The following SLC22A24 variants were observed in gnomAD, a reference collection of about 807,000 sequenced individuals.
SLC22A24 encodes solute carrier family 22 member 24.
In SLC22A24, 53 loss-of-function variants were observed where a neutral mutation model predicts 49.8. The ratio of observed to expected loss-of-function variants is 1.06; its 90% CI spans 0.85 to 1.34. The LOEUF (loss-of-function observed/expected upper bound fraction) is 1.34. SLC22A24 is among the 40% of genes most tolerant of loss of function. The probability of loss-of-function intolerance (pLI) is 0.00; values close to 1 mark genes in which losing one functional copy is unlikely to be tolerated. For missense variants in SLC22A24, 786 were observed against 675.9 expected (o/e 1.16, Z -1.81); for synonymous variants, 302 against 256.4 (o/e 1.18, Z -1.70).
Position 63,096,097 on chromosome 11 carries a change from A to G in SLC22A24, c.964T>C (p.Ser322Pro), listed in dbSNP as rs1296620038. 1.9e-6 allele frequency: 3 copies of G among 1,549,016 alleles called. No homozygotes were observed. Among genetic ancestry groups the G allele is most frequent in the East Asian group, 4.9e-5 (2 of 40,900 alleles). The change falls in exon 6 of 10, where the codon TCC becomes CCC. Residue 322 changes from serine to proline, a missense_variant. Ser to Pro is a moderately conservative substitution (Grantham distance 74). Coordinates refer to ENST00000612278, the MANE Select transcript of SLC22A24 (RefSeq NM_001136506.2). ...GCATCCAACTCCTTCTTCATGGTGG[A>G]TCTCACAAGCTTCAGCAACAAAAAT... ...EETLTTELVRSTMKKELDAVR... is the reference protein window; with the variant it reads ...EETLTTELVRPTMKKELDAVR...
intron 4 of SLC22A24, among the ~76,000 whole-genome samples, chr11:63,114,880 C>A (rs1399655492): frequency 1.3e-5 from 2 of 152,156 alleles, no homozygotes; most frequent in East Asian, 3.9e-4. Context: ...CTGGGTATCA[C>A]CAGTGGAGGT....
At chr11:63,114,990 G>A (rs866734130) in intron 4 of SLC22A24, among the ~76,000 whole-genome samples, 72 of 152,302 alleles carry the variant, frequency 4.7e-4, no homozygotes, top group African/African-American at 1.5e-3. Flanking sequence ...CCTACTGGGA[G>A]GTGTCTCCCA....
At chr11:63,084,178 G>A (rs535296234) in intron 6 of SLC22A24, among the ~76,000 whole-genome samples, 1 of 152,336 alleles carries the variant, frequency 6.6e-6, no homozygotes, top group Middle Eastern at 3.4e-3. Context: ...CAAGGGCACT[G>A]TAGGCAAGAG....
intron 6 of SLC22A24, among the ~76,000 whole-genome samples, chr11:63,087,550 C>T (rs1405381836): frequency 6.6e-6 from 1 of 152,158 alleles, no homozygotes. Context: ...TCCAGTGGTG[C>T]CTGGAACCTT....
At chr11:63,123,859 T>G (rs780001025) in intron 2 of SLC22A24, among the ~76,000 whole-genome samples, 4 of 152,326 alleles carry the variant, frequency 2.6e-5, no homozygotes, top group Non-Finnish European at 5.9e-5. Flanking sequence ...ATCTTTCCTC[T>G]GGACTATTTC....
At chr11:63,126,757 C>T (rs1256556741) in intron 2 of SLC22A24, among the ~76,000 whole-genome samples, 1 of 152,098 alleles carries the variant, frequency 6.6e-6, no homozygotes, top group Non-Finnish European at 1.5e-5. Flanking sequence ...GGAAGTATGG[C>T]AATTTTCACA....
rs564694066 is a variant in SLC22A24 at position 63,136,962 on chromosome 11, C to T, written c.403-2194G>A. ...TCTATCAGAGGGTGTCTGTCTGTAG[C>T]CTCAATGTGGTGTGTCTGCATTGGT... On this transcript the variant is annotated intron_variant, in intron 1 of 9. Coordinates refer to ENST00000612278, the MANE Select transcript of SLC22A24 (RefSeq NM_001136506.2). Among the ~76,000 whole-genome samples the T allele has an allele frequency of 7.2e-5, 11 of 152,222 alleles. No individual in the cohort carries two copies. In the South Asian group the frequency reaches 2.3e-3, roughly 32 times the overall value.
intron 4 of SLC22A24, 192 bp downstream of exon 4, chr11:63,118,720 G>T (rs1291899438): frequency 5.3e-6 from 3 of 568,808 alleles, no homozygotes; most frequent in Non-Finnish European, 9.4e-6. Flanking sequence ...AATAATGAAT[G>T]CAAAGTGCCA....
chr11:63,118,537 A>T (rs1339337314), intron 4 of SLC22A24: 10 of 419,632 alleles, frequency 2.4e-5, no homozygotes, highest in East Asian at 4.0e-5. Context: ...ATAGTTATGT[A>T]GATAAATTTA....
chr11:63,095,831 G>T (rs1360594780), intron 6 of SLC22A24, among the ~76,000 whole-genome samples, 160 bp downstream of exon 6: 4 of 152,078 alleles, frequency 2.6e-5, no homozygotes, highest in Admixed American at 6.6e-5. Flanking sequence ...ATAATATTAG[G>T]CTATCTAAAA....
rs181558523 is a variant in SLC22A24, at chr11:63,087,264, A to G, written c.1071-3807T>C. On this transcript the variant is annotated intron_variant, in intron 6 of 9. Coordinates refer to ENST00000612278, the MANE Select transcript of SLC22A24 (RefSeq NM_001136506.2). ...TTCATCTCATTGGGACTGGTTAGGCAGTGGCTGCAACCCACAGAGGGCAGG... is the reference window on the plus strand; with the variant it reads ...TTCATCTCATTGGGACTGGTTAGGCGGTGGCTGCAACCCACAGAGGGCAGG... Among the ~76,000 whole-genome samples, 12 of 152,252 alleles carry G rather than the reference A, an allele frequency of 7.9e-5. No homozygotes were observed. The East Asian group carries it at 2.1e-3, about 27-fold the overall frequency.
intron 2 of SLC22A24, among the ~76,000 whole-genome samples, chr11:63,124,300 T>C (rs1489458637): frequency 6.6e-6 from 1 of 152,124 alleles, no homozygotes; most frequent in Non-Finnish European, 1.5e-5. Context: ...ATCTAGCTCC[T>C]GGGGGGAAGA....
chr11:63,107,601 ATT>A (rs1565329467), intron 4 of SLC22A24, among the ~76,000 whole-genome samples: 1 of 151,674 alleles, frequency 6.6e-6, no homozygotes, highest in Middle Eastern at 3.4e-3. Flanking sequence ...GTCCTCTTTT[ATT>A]TTTTTTGAGC....
chr11:63,136,642 C>T (rs1256329604), intron 1 of SLC22A24, among the ~76,000 whole-genome samples: 1 of 152,224 alleles, frequency 6.6e-6, no homozygotes, highest in Non-Finnish European at 1.5e-5. Context: ...TTCTTGATTG[C>T]AATTCCCCTG....
intron 4 of SLC22A24, among the ~76,000 whole-genome samples, chr11:63,109,725 T>A (rs11501478): frequency 0.79 from 120,370 of 151,974 alleles, 48,870 homozygotes; most frequent in East Asian, 0.9. Flanking sequence ...TTGCTTGAGT[T>A]CATTGTAGAT....
chr11:63,081,236 G>T, intron 8 of SLC22A24, 113 bp from the exon 9 acceptor site: 1 of 871,120 alleles, frequency 1.1e-6, no homozygotes, highest in South Asian at 1.7e-5. Context: ...AAACACATGG[G>T]CTTTGACAGC....
chr11:63,096,217 A>G (rs965909128), intron 5 of SLC22A24, 111 bp from the exon 6 acceptor site: 1 of 679,560 alleles, frequency 1.5e-6, no homozygotes, highest in African/African-American at 1.8e-5. Context: ...CCTCAAGGAA[A>G]TTTCTGTCTA....
intron 4 of SLC22A24, among the ~76,000 whole-genome samples, chr11:63,115,286 C>G (rs1367449147): frequency 1.3e-5 from 2 of 152,328 alleles, no homozygotes; most frequent in South Asian, 2.1e-4. Flanking sequence ...CACCCCTCCC[C>G]CCATGAGGCT....
At chr11:63,122,947 A>T (rs966280663) in intron 2 of SLC22A24, among the ~76,000 whole-genome samples, 9 of 152,178 alleles carry the variant, frequency 5.9e-5, no homozygotes, top group Non-Finnish European at 1.2e-4. Context: ...CAAAACACCT[A>T]TCATTTCTTT....
Sources: allele counts gnomAD v4.1 joint callset (sites outside exome capture counted in the v4.1 genomes callset), GRCh38; gene constraint gnomAD v4.1.1; transcripts MANE v1.5; gene names NCBI Gene and HGNC (gene_info 2026-07-23, HGNC 2026-07-21).